FAM78B: variants seen among roughly 807,000 people sequenced by gnomAD.
FAM78B encodes family with sequence similarity 78 member B.
Under a neutral mutation model 20.0 loss-of-function variants are expected in FAM78B, and 10 were observed. The observed-to-expected ratio is 0.50, with a 90% CI of 0.31 to 0.85. The LOEUF is 0.85. Among genes scored for constraint, FAM78B ranks in the 40% least tolerant of loss-of-function variants. FAM78B has a pLI of 0.05. For missense variants in FAM78B, 283 were observed against 345.0 expected (o/e 0.82, Z 1.42); for synonymous variants, 135 against 132.8 (o/e 1.02, Z -0.12).
At chr1:166,088,687 G>C (rs1204896631) in intron 1 of FAM78B, among the ~76,000 whole-genome samples, 1 of 152,146 alleles carries the variant, frequency 6.6e-6, no homozygotes, top group Non-Finnish European at 1.5e-5. Flanking sequence ...CCTCTGTGAA[G>C]GGCTTCCTGA....
At chr1:166,085,331 G>A (rs1402046721) in intron 1 of FAM78B, among the ~76,000 whole-genome samples, 1 of 152,160 alleles carries the variant, frequency 6.6e-6, no homozygotes, top group African/African-American at 2.4e-5. Flanking sequence ...TCAGGGGAAG[G>A]GGGGCCACTG....
At chr1:166,090,657 G>A (rs930552689) in intron 1 of FAM78B, among the ~76,000 whole-genome samples, 1 of 152,176 alleles carries the variant, frequency 6.6e-6, no homozygotes, top group African/African-American at 2.4e-5. Flanking sequence ...CCATGTGCTT[G>A]GTACTGTCCT....
At chr1:166,077,167 G>GA (rs1226309972) in intron 1 of FAM78B, among the ~76,000 whole-genome samples, 1 of 151,994 alleles carries the variant, frequency 6.6e-6, no homozygotes, top group Non-Finnish European at 1.5e-5. Flanking sequence ...ACAAGCACAA[G>GA]AAAAAAACGA....
intron 1 of FAM78B, among the ~76,000 whole-genome samples, chr1:166,163,434 C>T (rs774849884): frequency 7.2e-5 from 11 of 152,210 alleles, no homozygotes; most frequent in Admixed American, 2.6e-4. Context: ...TTCTTTCAAT[C>T]CTGTAAACAG....
chr1:166,074,451 G>C (rs1327741440), intron 1 of FAM78B, among the ~76,000 whole-genome samples: 3 of 152,126 alleles, frequency 2.0e-5, no homozygotes, highest in African/African-American at 7.2e-5. Flanking sequence ...TTTCTCATTA[G>C]ATTACAGGTT....
chr1:166,067,161 C>T (rs1651826543), downstream of FAM78B, among the ~76,000 whole-genome samples: 1 of 151,992 alleles, frequency 6.6e-6, no homozygotes, highest in South Asian at 2.1e-4. Context: ...AGACAAGAGG[C>T]TGTGAGTTCT....
rs1021152806 is a variant in FAM78B at position 166,144,381 on chromosome 1, A to C, written c.263+21605T>G. 2.6e-5 allele frequency among the ~76,000 whole-genome samples: 4 copies of C among 152,198 alleles called. No individual in the cohort carries two copies. In the East Asian group the frequency reaches 5.8e-4, roughly 22 times the overall value. The stretch of plus-strand genomic sequence containing the variant: ...GAATGAAATCAACAGATGGCAATAC[A>C]TTTGTAGGAAATGAAAGAGACAGAT... On this transcript the variant is annotated intron_variant, in intron 1 of 1. Coordinates refer to ENST00000354422, the MANE Select transcript of FAM78B (RefSeq NM_001017961.5).
At chr1:166,117,382 T>G (rs1215526578) in intron 1 of FAM78B, among the ~76,000 whole-genome samples, 1 of 152,132 alleles carries the variant, frequency 6.6e-6, no homozygotes, top group Non-Finnish European at 1.5e-5. Flanking sequence ...TATTTTTTTT[T>G]GTAAGGGGAT....
rs1371393572 is a variant in FAM78B, at chr1:166,109,909, T to C, written c.264-39146A>G. 2.9e-4 allele frequency among the ~76,000 whole-genome samples: 31 copies of C among 108,724 alleles called. 1 individual carries two copies. Among genetic ancestry groups the C allele is most frequent in the African/African-American group, 9.0e-4 (30 of 33,498 alleles). The allele number at this position is 108,724 out of a possible 152,430, so 71.3% of individuals were successfully genotyped here. ...ATATATGTATATATATATATATATATATATATATATAATGGAATACTATGC... is the reference window on the plus strand; with the variant it reads ...ATATATGTATATATATATATATATACATATATATATAATGGAATACTATGC... On this transcript the variant is annotated intron_variant, in intron 1 of 1. Coordinates refer to ENST00000354422, the MANE Select transcript of FAM78B (RefSeq NM_001017961.5).
intron 1 of FAM78B, among the ~76,000 whole-genome samples, chr1:166,118,913 C>T (rs139954758): frequency 6.6e-6 from 1 of 152,222 alleles, no homozygotes; most frequent in East Asian, 1.9e-4. Context: ...CTCTTCACGC[C>T]ATTCCATTTT....
chr1:166,132,852 A>G (rs1172012494), intron 1 of FAM78B, among the ~76,000 whole-genome samples: 3 of 152,198 alleles, frequency 2.0e-5, no homozygotes, highest in African/African-American at 7.2e-5. Context: ...GTACCAGCTT[A>G]TGAGTGTGAC....
intron 1 of FAM78B, among the ~76,000 whole-genome samples, chr1:166,122,336 T>C (rs1047471305): frequency 1.3e-5 from 2 of 152,280 alleles, no homozygotes; most frequent in East Asian, 1.9e-4. Context: ...CCAGTGATGA[T>C]AGCTGCCCTT....
rs1653935471 is a variant in FAM78B, at chr1:166,109,827, T to TAC, written c.264-39065_264-39064insGT. 3.0e-4 allele frequency among the ~76,000 whole-genome samples: 5 copies of TAC among 16,846 alleles called. 1 individual carries two copies. In the South Asian group the frequency reaches 9.0e-3, roughly 30 times the overall value. The allele number at this position is 16,846 out of a possible 152,430, so 11.1% of individuals were successfully genotyped here. Reference sequence around the variant, plus strand: ...ATATGTATATATGTATATATATATATATATGTATATATGTATATATATATA... The same window carrying TAC: ...ATATGTATATATGTATATATATATATACATATGTATATATGTATATATATATA... On this transcript the variant is annotated intron_variant, in intron 1 of 1. Transcript: ENST00000354422.
chr1:166,145,411 CACCAGGTGCCAT>C (rs1655420077), intron 1 of FAM78B, among the ~76,000 whole-genome samples: 1 of 152,208 alleles, frequency 6.6e-6, no homozygotes, highest in South Asian at 2.1e-4. Flanking sequence ...TGTAGGTTGG[CACCAGGTGCCAT>C]CATGTCAGCA....
intron 1 of FAM78B, among the ~76,000 whole-genome samples, chr1:166,108,202 C>G (rs1019321359): frequency 6.6e-6 from 1 of 152,134 alleles, no homozygotes; most frequent in Admixed American, 6.6e-5. Flanking sequence ...GGAAGTCAAA[C>G]TGTCACTGTT....
chr1:166,058,708 C>A (rs1651454195), exon 3 of FAM78B: 1 of 152,488 alleles, frequency 6.6e-6, no homozygotes, highest in Non-Finnish European at 1.5e-5. Flanking sequence ...AGCCTGGCAT[C>A]TCTATAGATC....
intron 1 of FAM78B, among the ~76,000 whole-genome samples, chr1:166,135,183 A>C (rs142779180): frequency 9.2e-5 from 14 of 152,354 alleles, no homozygotes; most frequent in African/African-American, 3.4e-4. Flanking sequence ...AATTTTCTCT[A>C]AACAGCTGTA....
At chr1:166,139,631 C>T (rs541063871) in intron 1 of FAM78B, among the ~76,000 whole-genome samples, 3 of 152,098 alleles carry the variant, frequency 2.0e-5, no homozygotes, top group Non-Finnish European at 2.9e-5. Context: ...CAAGACCACA[C>T]GCATCTGGGA....
At chr1:166,119,042 C>T (rs972803199) in intron 1 of FAM78B, among the ~76,000 whole-genome samples, 4 of 152,030 alleles carry the variant, frequency 2.6e-5, no homozygotes, top group African/African-American at 7.3e-5. Flanking sequence ...CCTACAGAAC[C>T]GGCTTCAAAC....
Sources: gnomAD v4.1 joint callset for allele counts (sites outside exome capture counted in the v4.1 genomes callset) on GRCh38, gnomAD v4.1.1 for gene constraint, MANE v1.5 for transcripts, NCBI Gene and HGNC (gene_info 2026-07-23, HGNC 2026-07-21) for gene names.